Variants in GRM3 observed in about 807,000 individuals in gnomAD.
GRM3 encodes the protein metabotropic glutamate receptor 3.
In GRM3, 26 loss-of-function variants were observed where a neutral mutation model predicts 70.5. The observed-to-expected ratio is 0.37, with a 90% CI of 0.27 to 0.51. GRM3 has a LOEUF of 0.51. Among genes scored for constraint, GRM3 ranks in the 20% least tolerant of loss-of-function variants. The pLI, the probability that GRM3 is intolerant of heterozygous loss-of-function variation, is 0.93. For missense variants in GRM3, 859 were observed against 1,123.8 expected (o/e 0.76, Z 3.37); for synonymous variants, 443 against 434.9 (o/e 1.02, Z -0.23).
At chr7:86,649,267 T>C (rs1793550873) in intron 1 of GRM3, among the ~76,000 whole-genome samples, 1 of 152,150 alleles carries the variant, frequency 6.6e-6, no homozygotes. Flanking sequence ...TTTCTTGGTA[T>C]AGAAAATGTA....
intron 1 of GRM3, among the ~76,000 whole-genome samples, chr7:86,706,471 G>A (rs553835993): frequency 2.0e-5 from 3 of 152,176 alleles, no homozygotes; most frequent in African/African-American, 7.2e-5. Context: ...CAGAATAGGG[G>A]AGGTCACTTC....
chr7:86,850,580 T>C (rs762061082), intron 5 of GRM3, 36 bp downstream of exon 5: 3 of 1,391,970 alleles, frequency 2.2e-6, no homozygotes, highest in Admixed American at 3.4e-5. Flanking sequence ...CCTTCATACA[T>C]AGCATTGTAG....
intron 1 of GRM3, among the ~76,000 whole-genome samples, chr7:86,691,120 C>T (rs1253206633): frequency 2.0e-5 from 3 of 152,154 alleles, no homozygotes. Context: ...GCCATTCAAT[C>T]TTACATTCCC....
chr7:86,731,706 C>G (rs1341193023), intron 1 of GRM3, among the ~76,000 whole-genome samples: 1 of 152,108 alleles, frequency 6.6e-6, no homozygotes, highest in Non-Finnish European at 1.5e-5. Flanking sequence ...ATCATGTATG[C>G]TAGAATGTGA....
intron 2 of GRM3, among the ~76,000 whole-genome samples, chr7:86,780,002 C>T (rs1797002840): frequency 6.7e-6 from 1 of 150,158 alleles, no homozygotes; most frequent in South Asian, 2.1e-4. Flanking sequence ...CAATAGTTTG[C>T]TGAGAATGAT....
At chr7:86,713,685 G>T (rs531154361) in intron 1 of GRM3, among the ~76,000 whole-genome samples, 1 of 152,022 alleles carries the variant, frequency 6.6e-6, no homozygotes, top group South Asian at 2.1e-4. Context: ...TCTCTTGTTT[G>T]AATTACATGG....
chr7:86,815,472 T>C (rs1342315810), intron 3 of GRM3, among the ~76,000 whole-genome samples: 3 of 151,886 alleles, frequency 2.0e-5, no homozygotes, highest in Non-Finnish European at 4.4e-5. Context: ...ATAAATACCA[T>C]TCCCCCAACT....
intron 2 of GRM3, among the ~76,000 whole-genome samples, chr7:86,775,761 C>G (rs1203297073): frequency 6.6e-6 from 1 of 152,026 alleles, no homozygotes; most frequent in Admixed American, 6.6e-5. Flanking sequence ...TTTCTCATCT[C>G]TGTCTTTGTG....
chr7:86,822,148 A>G (rs1284819954), intron 3 of GRM3, among the ~76,000 whole-genome samples: 1 of 151,808 alleles, frequency 6.6e-6, no homozygotes, highest in African/African-American at 2.4e-5. Context: ...TTCTTTCAAT[A>G]TTTTACTAAA....
chr7:86,675,554 C>T (rs1475284454), intron 1 of GRM3, among the ~76,000 whole-genome samples: 1 of 151,966 alleles, frequency 6.6e-6, no homozygotes, highest in African/African-American at 2.4e-5. Context: ...ATAGCCAGAT[C>T]TGGACTTAAC....
chr7:86,811,506 G>A lies in GRM3; in HGVS notation c.1324+24390G>A, dbSNP rs573546993. 2.0e-5 allele frequency among the ~76,000 whole-genome samples: 3 copies of A among 151,844 alleles called. No homozygotes were observed. The East Asian group carries it at 5.8e-4, about 29-fold the overall frequency. On this transcript the variant is annotated intron_variant, in intron 3 of 5. Transcript: ENST00000361669. Reference sequence around the variant, plus strand: ...TTCAGCATAGATGAATAGAGATGCAGCAGCTTAGATGACACTATTTTACCC... The same window carrying A: ...TTCAGCATAGATGAATAGAGATGCAACAGCTTAGATGACACTATTTTACCC...
chr7:86,649,140 A>G (rs1019001968), intron 1 of GRM3, among the ~76,000 whole-genome samples: 1 of 152,208 alleles, frequency 6.6e-6, no homozygotes, highest in Admixed American at 6.5e-5. Flanking sequence ...TGCACGAAAT[A>G]ATTTTTAAAC....
chr7:86,854,308 G>T (rs1798808652), intron 5 of GRM3, among the ~76,000 whole-genome samples: 1 of 152,118 alleles, frequency 6.6e-6, no homozygotes, highest in Non-Finnish European at 1.5e-5. Flanking sequence ...CCTCCTGATG[G>T]CAGCCAAGGT....
At chr7:86,802,236 C>A (rs1317122860) in intron 3 of GRM3, among the ~76,000 whole-genome samples, 2 of 151,982 alleles carry the variant, frequency 1.3e-5, no homozygotes, top group South Asian at 2.1e-4. Flanking sequence ...GATTTGGAGA[C>A]CCAAGTCTAT....
intron 1 of GRM3, among the ~76,000 whole-genome samples, chr7:86,659,445 A>G (rs186221272): frequency 6.6e-6 from 1 of 152,142 alleles, no homozygotes; most frequent in African/African-American, 2.4e-5. Flanking sequence ...TACTAACACA[A>G]GGTAACATAG....
At chr7:86,726,849 C>T (rs1437300976) in intron 1 of GRM3, among the ~76,000 whole-genome samples, 1 of 152,178 alleles carries the variant, frequency 6.6e-6, no homozygotes, top group Non-Finnish European at 1.5e-5. Flanking sequence ...CAATCTCCGT[C>T]ATTCAAGAGT....
intron 3 of GRM3, among the ~76,000 whole-genome samples, chr7:86,816,409 A>G (rs1798015582): frequency 6.6e-6 from 1 of 151,756 alleles, no homozygotes; most frequent in Non-Finnish European, 1.5e-5. Flanking sequence ...TAAGCATAGT[A>G]CTCAATAGGT....
chr7:86,758,464 T>C (rs1416482374), intron 1 of GRM3, among the ~76,000 whole-genome samples: 2 of 152,152 alleles, frequency 1.3e-5, no homozygotes, highest in Admixed American at 1.3e-4. Flanking sequence ...AGAGGCTTTG[T>C]AATGAGGGTA....
At chr7:86,806,023 T>C (rs1797784327) in intron 3 of GRM3, among the ~76,000 whole-genome samples, 2 of 152,082 alleles carry the variant, frequency 1.3e-5, no homozygotes, top group South Asian at 4.1e-4. Context: ...CTTGTGATAG[T>C]TTGCTCAGAC....
Sources: allele counts gnomAD v4.1 joint callset (sites outside exome capture counted in the v4.1 genomes callset), GRCh38; gene constraint gnomAD v4.1.1; transcripts MANE v1.5; gene names NCBI Gene and HGNC (gene_info 2026-07-23, HGNC 2026-07-21).